MAPKAPK3: variants seen among roughly 807,000 people sequenced by gnomAD.
MAPKAPK3 encodes the protein MAP kinase-activated protein kinase 3.
A neutral mutation model predicts 49.2 loss-of-function variants in MAPKAPK3; 35 were observed. The ratio of observed to expected loss-of-function variants is 0.71; its 90% CI spans 0.54 to 0.94. MAPKAPK3 has a LOEUF of 0.94. MAPKAPK3 is among the 40% of genes least tolerant of loss of function. The probability of loss-of-function intolerance (pLI) is 0.00; values close to 1 mark genes in which losing one functional copy is unlikely to be tolerated. For missense variants in MAPKAPK3, 398 were observed against 493.1 expected (o/e 0.81, Z 1.83); for synonymous variants, 178 against 188.7 (o/e 0.94, Z 0.46).
At chr3:50,636,955 C>T (rs371645) in intron 2 of MAPKAPK3, among the ~76,000 whole-genome samples, 2 of 152,290 alleles carry the variant, frequency 1.3e-5, no homozygotes, top group East Asian at 3.9e-4. Flanking sequence ...TCTCCCCTGT[C>T]CCTATGCCTA....
intron 2 of MAPKAPK3, among the ~76,000 whole-genome samples, chr3:50,631,223 A>G (rs2032902872): frequency 6.6e-6 from 1 of 152,248 alleles, no homozygotes; most frequent in African/African-American, 2.4e-5. Context: ...TGAGAGAATA[A>G]TGGCACATGT....
intron 5 of MAPKAPK3, among the ~76,000 whole-genome samples, chr3:50,643,365 G>T (rs2033218925): frequency 6.6e-6 from 1 of 152,194 alleles, no homozygotes; most frequent in Non-Finnish European, 1.5e-5. Context: ...ATCTGGATCA[G>T]ATGGATGAAA....
In MAPKAPK3 at chr3:50,646,839, C is replaced by T; in HGVS notation, c.915+14C>T. 6.2e-7 allele frequency: 1 copy of T among 1,612,944 alleles called. No homozygotes were observed. ...CCCTGGATCAACGTGAGCCCCTCCT[C>T]CTCCCATGGCAGGCAGGGTGTCCAA... On this transcript the variant is annotated intron_variant, in intron 9 of 10. Transcript: ENST00000621469.
rs953715613 is a variant in MAPKAPK3 at position 50,617,860 on chromosome 3, G to A, written c.219+76G>A. The A allele has an allele frequency of 2.7e-5, 32 of 1,180,816 alleles. No homozygotes were observed. In the Admixed American group the frequency reaches 5.8e-4, roughly 22 times the overall value. 73.1% of individuals were successfully genotyped at this position (1,180,816 alleles called of 1,614,324 possible). A position where few individuals can be genotyped will look rare whatever the true frequency, so the allele number is the denominator to read the frequency against. On this transcript the variant is annotated intron_variant, in intron 2 of 10. Transcript: ENST00000621469. ...AAGCCTGTGAGTGAAGCTATGTCTAGCGCCCCTGCTAAGCTTCCTATGCTC... is the reference window on the plus strand; with the variant it reads ...AAGCCTGTGAGTGAAGCTATGTCTAACGCCCCTGCTAAGCTTCCTATGCTC...
At position 50,640,422 on chromosome 3, in the gene MAPKAPK3, T is replaced by C; in HGVS notation, c.276T>C (p.Ser92=). ...AGGTAGACCATCACTGGCAGGCTTC[T>C]GGCGGCCCCCATATTGTCTGCATCC... ...RQEVDHHWQA[S]GGPHIVCILD... is the part of the protein sequence containing the mutation. Residue 92 remains serine, a synonymous_variant, in exon 3 of 11, where the codon TCT becomes TCC. Coordinates refer to ENST00000621469, the MANE Select transcript of MAPKAPK3 (RefSeq NM_001243925.2). 2 of 1,614,182 alleles carry C rather than the reference T, an allele frequency of 1.2e-6. No individual in the cohort carries two copies. The highest frequency in any genetic ancestry group is 1.7e-6 in the Non-Finnish European group (2 of 1,180,016).
chr3:50,617,846 T>G (rs1423665008), intron 2 of MAPKAPK3, 62 bp downstream of exon 2: 3 of 1,333,988 alleles, frequency 2.2e-6, no homozygotes, highest in Non-Finnish European at 3.2e-6. Flanking sequence ...AGCCTGTGAG[T>G]GAAGCTATGT....
chr3:50,637,702 AG>A (rs398105861), intron 2 of MAPKAPK3, among the ~76,000 whole-genome samples: 16 of 10,412 alleles, frequency 1.5e-3, no homozygotes, highest in Non-Finnish European at 6.6e-3. Flanking sequence ...AAAGAGAGAG[AG>A]AGAGAGAGAG....
chr3:50,626,498 A>G, intron 2 of MAPKAPK3, among the ~76,000 whole-genome samples: 1 of 152,090 alleles, frequency 6.6e-6, no homozygotes, highest in Non-Finnish European at 1.5e-5. Context: ...TGCCACACTC[A>G]TTTCCCCATT....
rs764515869 is a variant in MAPKAPK3 at position 50,647,882 on chromosome 3, G to A, written c.997-12G>A. ...CTGACCTCTTAGTGCCCACCATCCT[G>A]TCTGTCCCCAGGAGGAGATGACCAG... On this transcript the variant is annotated splice_polypyrimidine_tract_variant and intron_variant, in intron 10 of 10. Transcript: ENST00000621469. The A allele has an allele frequency of 6.2e-7, 1 of 1,609,578 alleles. No homozygotes were observed. The highest frequency in any genetic ancestry group is 8.5e-7 in the Non-Finnish European group (1 of 1,178,188).
chr3:50,639,283 C>G (rs1015567841), intron 2 of MAPKAPK3, among the ~76,000 whole-genome samples: 85 of 152,284 alleles, frequency 5.6e-4, no homozygotes, highest in African/African-American at 1.8e-3. Flanking sequence ...CAATCCCAAA[C>G]CCACATCTCA....
At chr3:50,639,840 C>T (rs1386538200) in intron 2 of MAPKAPK3, among the ~76,000 whole-genome samples, 1 of 152,178 alleles carries the variant, frequency 6.6e-6, no homozygotes. Flanking sequence ...TCTACACTTA[C>T]ATTTCTCATA....
chr3:50,636,936 G>T (rs1027524694), intron 2 of MAPKAPK3, among the ~76,000 whole-genome samples: 14 of 152,150 alleles, frequency 9.2e-5, no homozygotes, highest in African/African-American at 3.1e-4. Context: ...TATTTTCCGG[G>T]GACGGCCCTC....
At chr3:50,629,389 A>G (rs551925988) in intron 2 of MAPKAPK3, among the ~76,000 whole-genome samples, 9 of 152,266 alleles carry the variant, frequency 5.9e-5, no homozygotes, top group Non-Finnish European at 1.2e-4. Flanking sequence ...AGGGGTCCCC[A>G]AGCAAACCCA....
At chr3:50,641,813 G>A (rs6791880) in intron 4 of MAPKAPK3, 42 bp downstream of exon 4, 168,841 of 1,550,668 alleles carry the variant, frequency 0.11, 9,866 homozygotes, top group Non-Finnish European at 0.12. Flanking sequence ...TTCAGGGTGA[G>A]AGGTATGGAC....
At chr3:50,637,044 G>A (rs1464288708) in intron 2 of MAPKAPK3, among the ~76,000 whole-genome samples, 2 of 152,122 alleles carry the variant, frequency 1.3e-5, no homozygotes, top group Non-Finnish European at 2.9e-5. Flanking sequence ...ACTCAGTGGG[G>A]CAGAAGCCTT....
In MAPKAPK3 at chr3:50,647,122, G is replaced by T; in HGVS notation, c.916-1G>T. On this transcript the variant is annotated splice_acceptor_variant, in intron 9 of 10. Coordinates refer to ENST00000621469, the MANE Select transcript of MAPKAPK3 (RefSeq NM_001243925.2). LOFTEE classifies it high-confidence loss of function. ...ATCCACGGGCGTGGGGCTCCTTCCA[G>T]CAATCGATGGTAGTGCCACAGACCC... 6.3e-7 allele frequency: 1 copy of T among 1,576,924 alleles called. No individual in the cohort carries two copies. Among genetic ancestry groups the T allele is most frequent in the Non-Finnish European group, 8.6e-7 (1 of 1,160,860 alleles).
chr3:50,630,388 C>G (rs1255368626), intron 2 of MAPKAPK3, among the ~76,000 whole-genome samples: 1 of 152,246 alleles, frequency 6.6e-6, no homozygotes, highest in African/African-American at 2.4e-5. Flanking sequence ...CAGGCCTGTA[C>G]AGTTGAATCC....
chr3:50,626,287 TG>T (rs903769925), intron 2 of MAPKAPK3, among the ~76,000 whole-genome samples: 2 of 152,164 alleles, frequency 1.3e-5, no homozygotes, highest in African/African-American at 4.8e-5. Context: ...CCAGAGGAGC[TG>T]GTGGGAGTCT....
At position 50,617,533 on chromosome 3, in the gene MAPKAPK3, G is replaced by T. The variant is rs976782996; in HGVS notation, c.-33G>T. On this transcript the variant is annotated 5_prime_UTR_variant, in exon 2 of 11. Coordinates refer to ENST00000621469, the MANE Select transcript of MAPKAPK3 (RefSeq NM_001243925.2). ...CCCCAGGTGCCACTAGAAGCGCCAGGCTGGGGCCGCCTCTGAGCGCCCCGC... is the reference window on the plus strand; with the variant it reads ...CCCCAGGTGCCACTAGAAGCGCCAGTCTGGGGCCGCCTCTGAGCGCCCCGC... The T allele has an allele frequency of 9.1e-7, 1 of 1,102,590 alleles. No homozygotes were observed. Among genetic ancestry groups the T allele is most frequent in the Non-Finnish European group, 1.4e-6 (1 of 737,960 alleles). The allele number at this position is 1,102,590 out of a possible 1,614,324, so 68.3% of individuals were successfully genotyped here.
Sources: allele counts gnomAD v4.1 joint callset (sites outside exome capture counted in the v4.1 genomes callset), GRCh38; gene constraint gnomAD v4.1.1; transcripts MANE v1.5; gene names NCBI Gene and HGNC (gene_info 2026-07-23, HGNC 2026-07-21).